The following TNS1 variants were observed in gnomAD, a reference collection of about 807,000 sequenced individuals.
TNS1 encodes the protein tensin-1.
Under a neutral mutation model 168.6 loss-of-function variants are expected in TNS1, and 62 were observed. The observed-to-expected ratio is 0.37, with a 90% confidence interval of 0.30 to 0.45. The LOEUF (loss-of-function observed/expected upper bound fraction) is 0.45, where lower values mean the gene tolerates loss of function less well. Among genes scored for constraint, TNS1 ranks in the 20% least tolerant of loss-of-function variants. The pLI, the probability that TNS1 is intolerant of heterozygous loss-of-function variation, is 1.00. For missense variants in TNS1, 2,240 were observed against 2,339.4 expected (o/e 0.96, Z 0.88); for synonymous variants, 934 against 933.2 (o/e 1.00, Z -0.02).
intron 3 of TNS1, among the ~76,000 whole-genome samples, chr2:217,957,840 CAAA>C (rs35149245): frequency 0.15 from 10,833 of 74,088 alleles, 518 homozygotes; most frequent in East Asian, 0.33. Flanking sequence ...AGTACTCCCG[CAAA>C]AAAAAAAAAA....
chr2:217,998,727 T>C (rs1187623546), intron 1 of TNS1, among the ~76,000 whole-genome samples: 2 of 152,238 alleles, frequency 1.3e-5, no homozygotes, highest in East Asian at 3.8e-4. Flanking sequence ...CTTGAACTTC[T>C]AGGCTCAGGA....
At chr2:217,853,449 G>A (rs1947771948) in intron 18 of TNS1, among the ~76,000 whole-genome samples, 1 of 152,194 alleles carries the variant, frequency 6.6e-6, no homozygotes, top group Non-Finnish European at 1.5e-5. Flanking sequence ...TTTGGGGGCT[G>A]TGGGCATTGT....
intron 22 of TNS1, among the ~76,000 whole-genome samples, 199 bp from the exon 23 acceptor site, chr2:217,822,137 AG>A (rs1201819114): frequency 6.6e-6 from 1 of 152,040 alleles, no homozygotes. Flanking sequence ...CCTTGCTCAG[AG>A]GAGGGGGCCC....
At chr2:217,924,119 T>C (rs1955882646) in intron 3 of TNS1, among the ~76,000 whole-genome samples, 1 of 152,170 alleles carries the variant, frequency 6.6e-6, no homozygotes, top group East Asian at 1.9e-4. Context: ...CACACAGAGG[T>C]GGGTTCCCCT....
Position 217,848,742 on chromosome 2 carries a change from G to A in TNS1, c.1775C>T (p.Pro592Leu). The change falls in exon 19 of 33, where the codon CCA (proline) becomes CTA (leucine). Residue 592 changes from proline to leucine, a missense_variant. Physicochemically the swap from Pro to Leu is moderately conservative, Grantham distance 98. Coordinates refer to ENST00000682258, the MANE Select transcript of TNS1 (RefSeq NM_001387777.1). ...MYHTQHLRSRPAGGSAVPSSG... is the reference protein window; with the variant it reads ...MYHTQHLRSRLAGGSAVPSSG... ...GGAGGGCACAGCCGAGCCCCCTGCT[G>A]GGCGGGACCTGAGGTGCTGGGTGTG... is the stretch of plus-strand genomic sequence containing the variant. 1 of 1,614,230 alleles carries A rather than the reference G, an allele frequency of 6.2e-7. No individual in the cohort carries two copies. The highest frequency in any genetic ancestry group is 1.1e-5 in the South Asian group (1 of 91,086).
intron 3 of TNS1, among the ~76,000 whole-genome samples, chr2:217,921,234 GAACACCA>G (rs1317579726): frequency 6.6e-6 from 1 of 152,158 alleles, no homozygotes; most frequent in Non-Finnish European, 1.5e-5. Context: ...TTCCCAACCT[GAACACCA>G]GGCAAGGGGC....
intron 4 of TNS1, among the ~76,000 whole-genome samples, chr2:217,917,924 A>T (rs1955256092): frequency 6.6e-6 from 1 of 151,814 alleles, no homozygotes; most frequent in South Asian, 2.1e-4. Context: ...GTAAGTGCAA[A>T]GGCCTGGAGG....
chr2:217,939,250 T>G (rs1956788086), intron 3 of TNS1, among the ~76,000 whole-genome samples: 1 of 152,234 alleles, frequency 6.6e-6, no homozygotes. Flanking sequence ...CGGGTCATCA[T>G]AAGTTGATCC....
intron 3 of TNS1, among the ~76,000 whole-genome samples, chr2:217,969,190 T>G (rs1348597259): frequency 1.3e-5 from 2 of 152,212 alleles, no homozygotes; most frequent in African/African-American, 2.4e-5. Context: ...ATTTTGAAAC[T>G]TAATACTAAT....
chr2:217,834,451 A>G (rs1944890763), intron 21 of TNS1, among the ~76,000 whole-genome samples: 1 of 152,110 alleles, frequency 6.6e-6, no homozygotes, highest in Non-Finnish European at 1.5e-5. Flanking sequence ...GTTCCTCTTC[A>G]TGTCTCTTCT....
chr2:218,013,266 A>G (rs561489136), upstream of TNS1, among the ~76,000 whole-genome samples: 175 of 152,058 alleles, frequency 1.2e-3, no homozygotes, highest in African/African-American at 4.0e-3. Flanking sequence ...AAAAAAAAAA[A>G]AAAGAAAGAA....
intron 18 of TNS1, among the ~76,000 whole-genome samples, chr2:217,865,971 T>A (rs1949236853): frequency 6.6e-6 from 1 of 152,198 alleles, no homozygotes; most frequent in African/African-American, 2.4e-5. Context: ...CCTAGACAGA[T>A]GCGTGGAGTG....
At chr2:217,862,887 T>C (rs951863265) in intron 18 of TNS1, among the ~76,000 whole-genome samples, 1 of 152,306 alleles carries the variant, frequency 6.6e-6, no homozygotes, top group Middle Eastern at 3.4e-3. Flanking sequence ...AATTCTACAA[T>C]GAAGACACAC....
At chr2:217,805,056 C>A (rs1938233263) in intron 32 of TNS1, among the ~76,000 whole-genome samples, 1 of 151,706 alleles carries the variant, frequency 6.6e-6, no homozygotes, top group Admixed American at 6.6e-5. Flanking sequence ...ACCACAAGGT[C>A]AGGGAGACAA....
chr2:218,016,348 T>C (rs1045168891), intron 1 of TNS1, among the ~76,000 whole-genome samples: 2 of 151,890 alleles, frequency 1.3e-5, no homozygotes, highest in Non-Finnish European at 2.9e-5. Flanking sequence ...GAGGGAGAGA[T>C]AGGAACACAG....
In TNS1 at chr2:217,835,099, G is replaced by A; in HGVS notation, c.3272C>T (p.Pro1091Leu). 1 of 1,577,444 alleles carries A rather than the reference G, an allele frequency of 6.3e-7. No individual in the cohort carries two copies. Among genetic ancestry groups the A allele is most frequent in the Non-Finnish European group, 8.6e-7 (1 of 1,167,366 alleles). ...TCACAGGGAATTCTTACCCCCACTG[G>A]GTGGTGGGCTGCTCGGGGAGGTTCC... is the stretch of plus-strand genomic sequence containing the variant. ...MEGTSPSSPP[P>L]SGVRSPPGLA... The change falls in exon 21 of 33, where the codon CCC becomes CTC. Residue 1091 changes from proline (P) to leucine (L), a missense_variant. This residue lies in a region of TNS1 where 2,131 missense variants were observed against 2,171.2 expected (regional missense o/e 0.98). Coordinates refer to ENST00000682258, the MANE Select transcript of TNS1 (RefSeq NM_001387777.1).
chr2:218,003,093 C>A (rs2105984254), upstream of TNS1: 3 of 380,492 alleles, frequency 7.9e-6, no homozygotes, highest in South Asian at 3.8e-5. Flanking sequence ...CCTCCCTCCT[C>A]CCAGGCTCCA....
chr2:217,826,988 G>A (rs1319509998), intron 22 of TNS1, among the ~76,000 whole-genome samples: 1 of 152,162 alleles, frequency 6.6e-6, no homozygotes, highest in East Asian at 1.9e-4. Context: ...AGGGAATATG[G>A]AAACCCCCAG....
intron 21 of TNS1, among the ~76,000 whole-genome samples, chr2:217,832,764 T>C (rs944924178): frequency 3.3e-5 from 5 of 152,092 alleles, no homozygotes; most frequent in Admixed American, 3.3e-4. Flanking sequence ...ATCACAGGGG[T>C]CCGGATGAGT....
Sources: allele counts gnomAD v4.1 joint callset (sites outside exome capture counted in the v4.1 genomes callset), GRCh38; gene constraint gnomAD v4.1.1; regional missense constraint gnomAD v4.1.1; transcripts MANE v1.5; gene names NCBI Gene and HGNC (gene_info 2026-07-23, HGNC 2026-07-21).